CORIN: variants seen among roughly 807,000 people sequenced by gnomAD.
CORIN encodes the protein atrial natriuretic peptide-converting enzyme.
A neutral mutation model predicts 125.3 loss-of-function variants in CORIN; 117 were observed. The observed-to-expected ratio is 0.93, with a 90% CI of 0.80 to 1.09. The LOEUF is 1.09. Ranked by LOEUF, CORIN falls within the 50% of genes least tolerant of loss-of-function variation. The pLI, the probability that CORIN is intolerant of heterozygous loss-of-function variation, is 0.00. For synonymous variants in CORIN, 450 were observed against 466.4 expected (o/e 0.96, Z 0.45); for missense variants, 1,253 against 1,306.7 (o/e 0.96, Z 0.63).
intron 3 of CORIN, among the ~76,000 whole-genome samples, chr4:47,770,371 TAAC>T (rs1273794144): frequency 6.6e-6 from 1 of 152,004 alleles, no homozygotes; most frequent in East Asian, 1.9e-4. Flanking sequence ...AAACAGAAAA[TAAC>T]AAGTGCTGGT....
At chr4:47,642,324 G>T (rs1723264620) in intron 15 of CORIN, among the ~76,000 whole-genome samples, 1 of 152,198 alleles carries the variant, frequency 6.6e-6, no homozygotes, top group African/African-American at 2.4e-5. Flanking sequence ...TTAGAAGACA[G>T]CCAGAGCCAG....
intron 5 of CORIN, among the ~76,000 whole-genome samples, chr4:47,713,330 T>C (rs1157778168): frequency 6.6e-6 from 1 of 152,186 alleles, no homozygotes; most frequent in Admixed American, 6.5e-5. Flanking sequence ...ATTTCTTAAA[T>C]AACCTAGACT....
chr4:47,773,318 T>C (rs138939375), intron 3 of CORIN, among the ~76,000 whole-genome samples: 292 of 152,340 alleles, frequency 1.9e-3, no homozygotes, highest in African/African-American at 6.6e-3. Context: ...GTAGTTTGTT[T>C]TAAATTTCAC....
intron 16 of CORIN, among the ~76,000 whole-genome samples, chr4:47,628,511 G>A (rs954690120): frequency 5.9e-5 from 9 of 151,362 alleles, no homozygotes; most frequent in Non-Finnish European, 1.2e-4. Context: ...CAAATTTCAA[G>A]TATACAATTT....
At chr4:47,770,142 G>C (rs1729956334) in intron 3 of CORIN, among the ~76,000 whole-genome samples, 3 of 151,802 alleles carry the variant, frequency 2.0e-5, no homozygotes, top group Admixed American at 2.0e-4. Context: ...AATACAAAAG[G>C]AATTTTATTT....
chr4:47,627,815 T>C (rs757584789), intron 16 of CORIN, among the ~76,000 whole-genome samples: 18 of 152,188 alleles, frequency 1.2e-4, no homozygotes, highest in Non-Finnish European at 7.3e-5. Flanking sequence ...ACTTTAGATT[T>C]TGTTATTTAA....
chr4:47,764,551 C>G (rs1729618479), intron 3 of CORIN, among the ~76,000 whole-genome samples: 1 of 152,158 alleles, frequency 6.6e-6, no homozygotes, highest in Non-Finnish European at 1.5e-5. Context: ...GCCTCAGTTT[C>G]AAGACCCAGT....
intron 5 of CORIN, among the ~76,000 whole-genome samples, chr4:47,715,575 G>A (rs1353863941): frequency 6.6e-6 from 1 of 152,034 alleles, no homozygotes; most frequent in Non-Finnish European, 1.5e-5. Flanking sequence ...CTCCATCCTG[G>A]GTGAAAGAGC....
At chr4:47,755,094 C>T (rs1729075942) in intron 4 of CORIN, among the ~76,000 whole-genome samples, 1 of 152,166 alleles carries the variant, frequency 6.6e-6, no homozygotes, top group Admixed American at 6.5e-5. Context: ...ATGCTGGATT[C>T]CTTACCCTAG....
At chr4:47,653,303 A>C (rs1238875637) in intron 13 of CORIN, among the ~76,000 whole-genome samples, 1 of 152,206 alleles carries the variant, frequency 6.6e-6, no homozygotes, top group African/African-American at 2.4e-5. Flanking sequence ...GTCCTGGAAC[A>C]TATCCCTACG....
At chr4:47,787,170 G>A (rs1325174145) in intron 2 of CORIN, among the ~76,000 whole-genome samples, 1 of 152,088 alleles carries the variant, frequency 6.6e-6, no homozygotes, top group Non-Finnish European at 1.5e-5. Context: ...TTTCTCAAGA[G>A]CTTACGGTTT....
At chr4:47,681,302 T>TG (rs1725267871) in intron 7 of CORIN, 1 of 152,238 alleles carries the variant, frequency 6.6e-6, no homozygotes, top group Non-Finnish European at 1.5e-5. Context: ...AAGAAGTGCT[T>TG]GGGCAGGAAC....
At chr4:47,692,564 A>C (rs1271057048) in intron 6 of CORIN, among the ~76,000 whole-genome samples, 1 of 152,188 alleles carries the variant, frequency 6.6e-6, no homozygotes, top group Non-Finnish European at 1.5e-5. Context: ...TAAAAAAAAA[A>C]ACAAGAGGCT....
At chr4:47,744,260 C>T (rs915016217) in intron 5 of CORIN, 142 bp downstream of exon 5, 2 of 742,152 alleles carry the variant, frequency 2.7e-6, no homozygotes, top group African/African-American at 1.8e-5. Context: ...TATTCTATTC[C>T]TTGATCTGGG....
chr4:47,795,773 A>T (rs182880623), intron 2 of CORIN, among the ~76,000 whole-genome samples: 15 of 152,212 alleles, frequency 9.9e-5, no homozygotes, highest in African/African-American at 3.4e-4. Context: ...AAAAAAGGTA[A>T]CCTGATTTTT....
chr4:47,677,663 T>C (rs1725085247), intron 9 of CORIN, among the ~76,000 whole-genome samples: 1 of 152,196 alleles, frequency 6.6e-6, no homozygotes, highest in South Asian at 2.1e-4. Flanking sequence ...AACTTCTCTC[T>C]TTATCACGGC....
At chr4:47,669,302 T>C (rs535047007) in intron 10 of CORIN, among the ~76,000 whole-genome samples, 33 of 152,338 alleles carry the variant, frequency 2.2e-4, no homozygotes, top group African/African-American at 7.5e-4. Flanking sequence ...AATCATGTAT[T>C]AAGCGATGGT....
At chr4:47,795,060 C>A (rs963132292) in intron 2 of CORIN, among the ~76,000 whole-genome samples, 1 of 152,106 alleles carries the variant, frequency 6.6e-6, no homozygotes, top group African/African-American at 2.4e-5. Context: ...CTTTCCCCCT[C>A]GTGTACTCTT....
rs61759673 is a variant in CORIN at position 47,606,653 on chromosome 4, CTCCT to C, written c.2541-2989_2541-2986del. On this transcript the variant is annotated intron_variant, in intron 19 of 21. Transcript: ENST00000273857. ...CTTCTTTCCCTCCTTCCTTTCTTCCCTCCTTCCTTCCTTCCTTTCTTTTTCTTTC... is the reference window on the plus strand; with the variant it reads ...CTTCTTTCCCTCCTTCCTTTCTTCCCTCCTTCCTTCCTTTCTTTTTCTTTC... Among the ~76,000 whole-genome samples, 251 of 146,502 alleles carry C rather than the reference CTCCT, an allele frequency of 1.7e-3. 1 individual carries two copies. Among genetic ancestry groups the C allele is most frequent in the South Asian group, 5.7e-3 (26 of 4,550 alleles).
Sources: allele counts gnomAD v4.1 joint callset (sites outside exome capture counted in the v4.1 genomes callset), GRCh38; gene constraint gnomAD v4.1.1; transcripts MANE v1.5; gene names NCBI Gene and HGNC (gene_info 2026-07-23, HGNC 2026-07-21).